MCTP2: variants seen among roughly 807,000 people sequenced by gnomAD.
MCTP2 encodes the protein multiple C2 and transmembrane domain-containing protein 2.
MCTP2 carries 132 observed loss-of-function variants against 111.6 expected under a neutral mutation model. The ratio of observed to expected loss-of-function variants is 1.18; its 90% CI spans 1.03 to 1.37. MCTP2 has a LOEUF of 1.37. Among genes scored for constraint, MCTP2 ranks in the 40% most tolerant of loss-of-function variants. MCTP2 has a pLI of 0.00. For synonymous variants in MCTP2, 395 were observed against 387.7 expected (o/e 1.02, Z -0.22); for missense variants, 1,183 against 1,067.9 (o/e 1.11, Z -1.50).
chr15:94,299,168 A>G lies in MCTP2; in HGVS notation c.465+438A>G, dbSNP rs143555852. Among the ~76,000 whole-genome samples, 358 of 151,064 alleles carry G rather than the reference A, an allele frequency of 2.4e-3. 3 individuals carry two copies. The highest frequency in any genetic ancestry group is 2.9e-3 in the Non-Finnish European group (194 of 67,880). On this transcript the variant is annotated intron_variant, in intron 2 of 22. Coordinates refer to ENST00000357742, the MANE Select transcript of MCTP2 (RefSeq NM_001385001.1). ...ATTGATTGCACCCAGTGTTCCCATT[A>G]GTTTTAGGGTTGACCTCTGTGTGTT...
At chr15:94,379,811 T>C (rs1399100541) in intron 12 of MCTP2, among the ~76,000 whole-genome samples, 1 of 144,376 alleles carries the variant, frequency 6.9e-6, no homozygotes, top group East Asian at 2.0e-4. Context: ...TATATAATTA[T>C]ATGACATAAT....
intron 14 of MCTP2, among the ~76,000 whole-genome samples, chr15:94,390,123 T>TAC (rs1402778263): frequency 7.5e-6 from 1 of 133,444 alleles, no homozygotes; most frequent in African/African-American, 3.3e-5. Flanking sequence ...TGTATATATA[T>TAC]ATATATATAC....
At position 94,354,018 on chromosome 15, in the gene MCTP2, TAATAAC is replaced by T. The variant is rs1157477267; in HGVS notation, c.1006-2113_1006-2108del. Among the ~76,000 whole-genome samples, 9 of 151,186 alleles carry T rather than the reference TAATAAC, an allele frequency of 6.0e-5. No individual in the cohort carries two copies. In the East Asian group the frequency reaches 1.4e-3, roughly 23 times the overall value. On this transcript the variant is annotated intron_variant, in intron 8 of 22. Coordinates refer to ENST00000357742, the MANE Select transcript of MCTP2 (RefSeq NM_001385001.1). ...TGGAATATGTTATTTTTATATATAA[TAATAAC>T]AATAATAATAATCATATATTATTCC...
At chr15:94,360,425 C>T (rs1482531337) in intron 10 of MCTP2, among the ~76,000 whole-genome samples, 1 of 152,144 alleles carries the variant, frequency 6.6e-6, no homozygotes, top group Non-Finnish European at 1.5e-5. Flanking sequence ...GTTGTCACTG[C>T]TGTGATATAC....
At chr15:94,395,573 C>A (rs1254048769) in intron 14 of MCTP2, among the ~76,000 whole-genome samples, 1 of 152,152 alleles carries the variant, frequency 6.6e-6, no homozygotes, top group Non-Finnish European at 1.5e-5. Flanking sequence ...CTCACATGCT[C>A]ACCTCTGTTA....
intron 1 of MCTP2, among the ~76,000 whole-genome samples, chr15:94,250,353 A>G (rs2072323187): frequency 6.6e-6 from 1 of 152,214 alleles, no homozygotes; most frequent in Non-Finnish European, 1.5e-5. Context: ...CACCTTGTGC[A>G]AACTGTGCAA....
At chr15:94,398,329 C>T (rs896676666) in intron 14 of MCTP2, among the ~76,000 whole-genome samples, 1 of 152,152 alleles carries the variant, frequency 6.6e-6, no homozygotes, top group Non-Finnish European at 1.5e-5. Context: ...GGGGGGAATA[C>T]TTTTAGATTT....
intron 18 of MCTP2, among the ~76,000 whole-genome samples, chr15:94,441,100 G>A (rs1451009626): frequency 6.6e-6 from 1 of 152,024 alleles, no homozygotes; most frequent in Non-Finnish European, 1.5e-5. Context: ...CTTTCTAGAT[G>A]GATCACCTTC....
At chr15:94,420,588 G>A (rs913161351) in intron 17 of MCTP2, among the ~76,000 whole-genome samples, 4 of 152,078 alleles carry the variant, frequency 2.6e-5, no homozygotes, top group Non-Finnish European at 5.9e-5. Flanking sequence ...AGGGTGGAGT[G>A]GAAGAAGTAA....
In MCTP2 at chr15:94,482,256, G is replaced by A. The variant is rs895691776; in HGVS notation, c.*3222G>A. Reference sequence around the variant, plus strand: ...TATTCTAGCTGCAATGGATAGCCTAGCAATTTTCAAAGTTTAGAGAAGTTA... The same window carrying A: ...TATTCTAGCTGCAATGGATAGCCTAACAATTTTCAAAGTTTAGAGAAGTTA... On this transcript the variant is annotated 3_prime_UTR_variant, in exon 23 of 23. Transcript: ENST00000357742. 1 of 152,170 alleles carries A rather than the reference G, an allele frequency of 6.6e-6. No individual in the cohort carries two copies. Among genetic ancestry groups the A allele is most frequent in the African/African-American group, 2.4e-5 (1 of 41,432 alleles). 9.4% of individuals were successfully genotyped at this position (152,170 alleles called of 1,614,324 possible). A position where few individuals can be genotyped will look rare whatever the true frequency, so the allele number is the denominator to read the frequency against.
intron 4 of MCTP2, among the ~76,000 whole-genome samples, chr15:94,323,988 C>A (rs943625822): frequency 6.6e-6 from 1 of 152,220 alleles, no homozygotes; most frequent in Admixed American, 6.5e-5. Context: ...ATAGGACTTA[C>A]ACTTGTTTTA....
At chr15:94,457,079 T>G (rs1179740390) in intron 19 of MCTP2, among the ~76,000 whole-genome samples, 1 of 152,176 alleles carries the variant, frequency 6.6e-6, no homozygotes, top group Non-Finnish European at 1.5e-5. Flanking sequence ...GTTTGCTTGA[T>G]AGTTTAGTAC....
chr15:94,310,491 A>T (rs1465127018), intron 2 of MCTP2, among the ~76,000 whole-genome samples: 2 of 151,836 alleles, frequency 1.3e-5, no homozygotes, highest in African/African-American at 2.4e-5. Context: ...TTTTAAGTAA[A>T]TTTTTTTTAA....
At chr15:94,424,826 TG>T (rs1003454382) in intron 17 of MCTP2, among the ~76,000 whole-genome samples, 1 of 152,170 alleles carries the variant, frequency 6.6e-6, no homozygotes, top group African/African-American at 2.4e-5. Flanking sequence ...TTCATATGGT[TG>T]GGGGCATTTG....
At chr15:94,392,848 CAA>C (rs1210315410) in intron 14 of MCTP2, among the ~76,000 whole-genome samples, 2 of 151,236 alleles carry the variant, frequency 1.3e-5, no homozygotes, top group Non-Finnish European at 3.0e-5. Flanking sequence ...CAAAAAAAAA[CAA>C]AAAACTTGGA....
chr15:94,266,158 T>C (rs2073517499), intron 1 of MCTP2, among the ~76,000 whole-genome samples: 1 of 152,232 alleles, frequency 6.6e-6, no homozygotes, highest in Non-Finnish European at 1.5e-5. Flanking sequence ...CTGGGGTCTG[T>C]GTTGCTGCAC....
At chr15:94,342,989 TATATACAC>T (rs1013947039) in intron 7 of MCTP2, 59 of 146,754 alleles carry the variant, frequency 4.0e-4, no homozygotes, top group Non-Finnish European at 6.8e-4. Flanking sequence ...TCCATATACA[TATATACAC>T]ATATACACAT....
chr15:94,264,312 ATAT>A (rs2073377211), intron 1 of MCTP2, among the ~76,000 whole-genome samples: 1 of 152,086 alleles, frequency 6.6e-6, no homozygotes, highest in Non-Finnish European at 1.5e-5. Flanking sequence ...GGGTATAATA[ATAT>A]TGTCCACTTG....
intron 11 of MCTP2, among the ~76,000 whole-genome samples, chr15:94,369,188 G>T (rs2079356983): frequency 1.3e-5 from 2 of 152,156 alleles, no homozygotes; most frequent in South Asian, 4.1e-4. Context: ...TAGGAATGAT[G>T]CATATTAAGT....
Sources: gnomAD v4.1 joint callset for allele counts (sites outside exome capture counted in the v4.1 genomes callset) on GRCh38, gnomAD v4.1.1 for gene constraint, MANE v1.5 for transcripts, NCBI Gene and HGNC (gene_info 2026-07-23, HGNC 2026-07-21) for gene names.